The following IL1RAPL1 variants were observed in gnomAD, a reference collection of about 807,000 sequenced individuals.
IL1RAPL1 encodes the protein interleukin 1 receptor accessory protein like 1.
Under a neutral mutation model 48.4 loss-of-function variants are expected in IL1RAPL1, and 3 were observed. The observed-to-expected ratio is 0.06, with a 90% confidence interval of 0.03 to 0.16. The LOEUF (loss-of-function observed/expected upper bound fraction) is 0.16. IL1RAPL1 is among the 10% of genes least tolerant of loss of function. The pLI is 1.00. For missense variants in IL1RAPL1, 349 were observed against 530.6 expected, an observed-to-expected ratio of 0.66 and a Z score of 3.36; for synonymous variants, 185 against 187.7, an observed-to-expected ratio of 0.99 and a Z score of 0.12.
chrX:28,678,110 T>G (rs1198359561), intron 1 of IL1RAPL1, among the ~76,000 whole-genome samples: 1 of 111,865 alleles, frequency 8.9e-6, no homozygotes, highest in East Asian at 2.8e-4. Context: ...ATGGCCAGGC[T>G]TCTGCCTCAA....
At chrX:29,394,170 C>T (rs1231635861) in intron 3 of IL1RAPL1, among the ~76,000 whole-genome samples, 1 of 109,985 alleles carries the variant, frequency 9.1e-6, no homozygotes, top group African/African-American at 3.3e-5. Context: ...GAACATGATC[C>T]CTCTTTTCTG....
chrX:29,760,007 C>T (rs1028577333), intron 6 of IL1RAPL1, among the ~76,000 whole-genome samples: 1 of 111,941 alleles, frequency 8.9e-6, no homozygotes, highest in African/African-American at 3.2e-5. Context: ...CTAAGATTTA[C>T]TTGGTTGTCT....
At chrX:29,016,081 T>G (rs1017988340) in intron 2 of IL1RAPL1, among the ~76,000 whole-genome samples, 3 of 111,734 alleles carry the variant, frequency 2.7e-5, no homozygotes, top group Non-Finnish European at 3.8e-5. Flanking sequence ...ATTAGTTTAA[T>G]AAATACAGCT....
chrX:29,330,855 G>GA lies in IL1RAPL1; in HGVS notation c.362+47641dup, dbSNP rs772407062. On this transcript the variant is annotated intron_variant, in intron 3 of 10. Transcript: ENST00000378993. ...TCCAAACTGAAATACATTTGTGAGTGAAAGGGGGTATTACTAATAATTTTG... is the reference window on the plus strand; with the variant it reads ...TCCAAACTGAAATACATTTGTGAGTGAAAAGGGGGTATTACTAATAATTTTG... Among the ~76,000 whole-genome samples the GA allele has an allele frequency of 1.1e-4, 12 of 111,766 alleles. No individual in the cohort carries two copies. The East Asian group carries it at 3.1e-3, about 29-fold the overall frequency.
intron 8 of IL1RAPL1, among the ~76,000 whole-genome samples, chrX:29,937,689 G>A (rs1406607411): frequency 9.0e-6 from 1 of 111,319 alleles, no homozygotes; most frequent in Non-Finnish European, 1.9e-5. Context: ...AATAACTGAG[G>A]GGCAGGCACT....
chrX:28,653,248 G>A (rs775558570), intron 1 of IL1RAPL1, among the ~76,000 whole-genome samples: 2 of 111,612 alleles, frequency 1.8e-5, no homozygotes, highest in African/African-American at 3.3e-5. Flanking sequence ...GCCAAGGTGG[G>A]CAGATCATCT....
intron 1 of IL1RAPL1, among the ~76,000 whole-genome samples, chrX:28,631,357 A>G (rs1934398679): frequency 8.9e-6 from 1 of 112,116 alleles, no homozygotes; most frequent in Admixed American, 9.5e-5. Context: ...TTGCACCAAC[A>G]GCTGGAATAT....
At chrX:29,055,373 G>A (rs1927189254) in intron 2 of IL1RAPL1, among the ~76,000 whole-genome samples, 3 of 111,264 alleles carry the variant, frequency 2.7e-5, no homozygotes, top group Non-Finnish European at 5.7e-5. Flanking sequence ...TGTTTTATCT[G>A]TCAGACTATG....
chrX:28,830,041 A>G (rs1275666473), intron 2 of IL1RAPL1, among the ~76,000 whole-genome samples: 1 of 111,124 alleles, frequency 9.0e-6, no homozygotes, highest in Non-Finnish European at 1.9e-5. Flanking sequence ...TCTATTTCCT[A>G]TTATTTTCTT....
At chrX:29,428,356 G>T (rs1432777654) in intron 5 of IL1RAPL1, among the ~76,000 whole-genome samples, 1 of 111,531 alleles carries the variant, frequency 9.0e-6, no homozygotes, top group Non-Finnish European at 1.9e-5. Flanking sequence ...TATTGAAACT[G>T]ATATTAAATA....
At chrX:29,442,470 A>G (rs1934558748) in intron 5 of IL1RAPL1, among the ~76,000 whole-genome samples, 1 of 111,737 alleles carries the variant, frequency 8.9e-6, no homozygotes, top group African/African-American at 3.3e-5. Flanking sequence ...TCCTGTAACC[A>G]AATGCCACCT....
chrX:29,563,882 A>G (rs979423928), intron 5 of IL1RAPL1, among the ~76,000 whole-genome samples: 2 of 112,236 alleles, frequency 1.8e-5, no homozygotes, highest in African/African-American at 3.2e-5. Flanking sequence ...GGAGGCTGAA[A>G]TTGAACACTT....
At chrX:28,905,267 T>C (rs929638079) in intron 2 of IL1RAPL1, among the ~76,000 whole-genome samples, 16 of 111,660 alleles carry the variant, frequency 1.4e-4, no homozygotes, top group Non-Finnish European at 2.6e-4. Flanking sequence ...TCCTAGACAA[T>C]AATGAGAAAT....
Position 28,975,559 on chromosome X carries a change from TCTAA to T in IL1RAPL1, c.82+186137_82+186140del, listed in dbSNP as rs777376080. On this transcript the variant is annotated intron_variant, in intron 2 of 10. Coordinates refer to ENST00000378993, the MANE Select transcript of IL1RAPL1 (RefSeq NM_014271.4). ...TAGAAGTAAAAAAATTGAGCAACTT[TCTAA>T]CTGTTTTCTTTCAACTCCAAGTGTT... 4.4e-3 allele frequency among the ~76,000 whole-genome samples: 496 copies of T among 112,168 alleles called. 4 individuals are homozygous for T. Among genetic ancestry groups the T allele is most frequent in the African/African-American group, 0.016 (483 of 30,883 alleles).
chrX:29,751,704 G>A (rs745696439), intron 6 of IL1RAPL1, among the ~76,000 whole-genome samples: 51 of 110,550 alleles, frequency 4.6e-4, no homozygotes, highest in African/African-American at 1.6e-3. Flanking sequence ...GCCGAGGTGG[G>A]AAGATCACTT....
chrX:29,108,562 C>T (rs190010679), intron 2 of IL1RAPL1, among the ~76,000 whole-genome samples: 1,326 of 109,855 alleles, frequency 0.012, 6 homozygotes, highest in Middle Eastern at 0.047. Flanking sequence ...CCACCATGCC[C>T]GGCTAATTTT....
intron 1 of IL1RAPL1, among the ~76,000 whole-genome samples, chrX:28,770,106 T>C (rs1456817239): frequency 8.9e-6 from 1 of 112,066 alleles, no homozygotes; most frequent in Non-Finnish European, 1.9e-5. Context: ...CACCAAACGG[T>C]GAATAAAACT....
intron 1 of IL1RAPL1, among the ~76,000 whole-genome samples, chrX:28,644,980 T>G (rs1445914562): frequency 9.0e-6 from 1 of 111,196 alleles, no homozygotes; most frequent in East Asian, 2.8e-4. Flanking sequence ...AAGGGGCTAT[T>G]ATGAGCTAAG....
chrX:28,986,791 A>G (rs1462432082), intron 2 of IL1RAPL1, among the ~76,000 whole-genome samples: 3 of 112,162 alleles, frequency 2.7e-5, no homozygotes, highest in African/African-American at 9.7e-5. Context: ...TCCCAAGGGA[A>G]GGATTATTTT....
Sources: allele counts gnomAD v4.1 joint callset (sites outside exome capture counted in the v4.1 genomes callset), GRCh38; gene constraint gnomAD v4.1.1; transcripts MANE v1.5; gene names NCBI Gene and HGNC (gene_info 2026-07-23, HGNC 2026-07-21).